Variants in USH2A observed in about 807,000 individuals in gnomAD.
USH2A encodes Usher syndrome 2A (autosomal recessive, mild).
A neutral mutation model predicts 538.9 loss-of-function variants in USH2A; 443 were observed. The ratio of observed to expected loss-of-function variants is 0.82; its 90% CI spans 0.76 to 0.89. USH2A has a LOEUF of 0.89. Among genes scored for constraint, USH2A ranks in the 40% least tolerant of loss-of-function variants. USH2A has a pLI of 0.00. For missense variants in USH2A, 6,633 were observed against 6,324.8 expected (o/e 1.05, Z -1.65); for synonymous variants, 2,413 against 2,273.5 (o/e 1.06, Z -1.75).
chr1:215,917,897 A>T (rs1033349024), intron 38 of USH2A, among the ~76,000 whole-genome samples: 1 of 151,554 alleles, frequency 6.6e-6, no homozygotes, highest in African/African-American at 2.4e-5. Context: ...CAGGAGATTG[A>T]GGCTGCAGTG....
At chr1:216,135,590 A>G (rs1039637854) in intron 21 of USH2A, among the ~76,000 whole-genome samples, 2 of 152,174 alleles carry the variant, frequency 1.3e-5, no homozygotes, top group Admixed American at 6.6e-5. Flanking sequence ...ACCATTTACT[A>G]TAACTGTTAT....
intron 64 of USH2A, among the ~76,000 whole-genome samples, chr1:215,668,667 T>C (rs1466975241): frequency 1.3e-5 from 2 of 152,190 alleles, no homozygotes; most frequent in Non-Finnish European, 2.9e-5. Flanking sequence ...TTGTTCTTAG[T>C]CATCCTTAGT....
intron 38 of USH2A, among the ~76,000 whole-genome samples, chr1:215,921,052 C>T (rs1376118560): frequency 6.6e-6 from 1 of 151,980 alleles, no homozygotes; most frequent in Non-Finnish European, 1.5e-5. Context: ...TTCTTTCTTT[C>T]ATTAGTTTTT....
At chr1:216,364,082 A>T (rs77089736) in intron 4 of USH2A, among the ~76,000 whole-genome samples, 2 of 151,212 alleles carry the variant, frequency 1.3e-5, no homozygotes, top group South Asian at 4.2e-4. Context: ...TTTAATATGC[A>T]GGCATTTTAA....
intron 32 of USH2A, among the ~76,000 whole-genome samples, chr1:216,031,024 C>T (rs1241755438): frequency 2.0e-5 from 3 of 151,812 alleles, no homozygotes; most frequent in Non-Finnish European, 4.4e-5. Flanking sequence ...ACTGGATTCC[C>T]CTAATATCCC....
chr1:216,072,725 T>TA, intron 29 of USH2A, 164 bp downstream of exon 29: 1 of 693,546 alleles, frequency 1.4e-6, no homozygotes, highest in Admixed American at 2.1e-5. Flanking sequence ...ACTGATCTAC[T>TA]AAGCATTTTA....
At position 216,078,330 on chromosome 1, in the gene USH2A, C is replaced by G. The variant is rs771621501; in HGVS notation, c.5331G>C (p.Arg1777=). 3.7e-6 allele frequency: 6 copies of G among 1,613,536 alleles called. No individual in the cohort carries two copies. The East Asian group carries it at 1.3e-4, about 36-fold the overall frequency. The part of the protein sequence containing the change: ...MELKSGILTF[R]LNTSLAFTQV... ...GTGTAAAGGCAAGACTGGTATTTAA[C>G]CGGAAGGTCAATATTCCACTTTTCA... The change falls in exon 27 of 72, where the codon CGG becomes CGC. Residue 1777 remains arginine, a synonymous_variant. Coordinates refer to ENST00000307340, the MANE Select transcript of USH2A (RefSeq NM_206933.4).
At chr1:215,633,313 T>C (rs1362799124) in intron 70 of USH2A, among the ~76,000 whole-genome samples, 1 of 152,056 alleles carries the variant, frequency 6.6e-6, no homozygotes, top group Non-Finnish European at 1.5e-5. Context: ...CCTGATGGTG[T>C]TGGGCAGTGC....
chr1:216,073,335 G>C, intron 27 of USH2A, 35 bp from the exon 28 acceptor site: 1 of 1,464,676 alleles, frequency 6.8e-7, no homozygotes. Flanking sequence ...TCGCATAAAG[G>C]GCTTGAGTCA....
chr1:216,026,743 G>C (rs1479648990), intron 32 of USH2A, among the ~76,000 whole-genome samples: 1 of 152,158 alleles, frequency 6.6e-6, no homozygotes, highest in East Asian at 1.9e-4. Flanking sequence ...GAAAGACAAT[G>C]AGGTTAATCA....
chr1:215,756,471 G>A (rs536800035), intron 58 of USH2A, among the ~76,000 whole-genome samples: 236 of 152,244 alleles, frequency 1.6e-3, no homozygotes, highest in African/African-American at 5.3e-3. Flanking sequence ...GAAATTTCCC[G>A]TATTGCTCTT....
At chr1:216,370,697 A>AAAAAAAAAAAAAAAAAAAAAC (rs2038696541) in intron 3 of USH2A, among the ~76,000 whole-genome samples, 1 of 150,770 alleles carries the variant, frequency 6.6e-6, no homozygotes, top group African/African-American at 2.4e-5. Context: ...AAAAAAAAAA[A>AAAAAAAAAAAAAAAAAAAAAC]AAAAATACTC....
chr1:216,239,143 C>CA (rs556149839), intron 13 of USH2A, among the ~76,000 whole-genome samples: 89 of 149,326 alleles, frequency 6.0e-4, no homozygotes, highest in Middle Eastern at 3.4e-3. Flanking sequence ...TGAAGCAAAA[C>CA]AAAAAAAATA....
At chr1:216,062,402 G>A (rs2031215646) in intron 30 of USH2A, among the ~76,000 whole-genome samples, 1 of 152,092 alleles carries the variant, frequency 6.6e-6, no homozygotes, top group South Asian at 2.1e-4. Flanking sequence ...CATCTTAGAA[G>A]TTTCAAAGAG....
chr1:216,309,974 T>A (rs760632066), intron 9 of USH2A, among the ~76,000 whole-genome samples: 4 of 152,150 alleles, frequency 2.6e-5, no homozygotes, highest in African/African-American at 9.6e-5. Flanking sequence ...AATTTTTGCA[T>A]CTATTTTTAT....
chr1:215,826,407 A>G (rs1253086545), intron 47 of USH2A, among the ~76,000 whole-genome samples: 1 of 152,224 alleles, frequency 6.6e-6, no homozygotes, highest in Non-Finnish European at 1.5e-5. Flanking sequence ...GAGAGCTGTG[A>G]TTGTCAAACA....
chr1:216,147,497 C>T (rs538515874), intron 21 of USH2A, among the ~76,000 whole-genome samples: 1 of 152,316 alleles, frequency 6.6e-6, no homozygotes, highest in South Asian at 2.1e-4. Flanking sequence ...CAGTTCATGA[C>T]TTGTTTGGCA....
At chr1:215,988,421 T>C (rs1462858953) in intron 35 of USH2A, among the ~76,000 whole-genome samples, 7 of 152,224 alleles carry the variant, frequency 4.6e-5, no homozygotes. Flanking sequence ...ATTTTGCTTA[T>C]CTACTTATCT....
intron 64 of USH2A, among the ~76,000 whole-genome samples, chr1:215,659,131 C>T (rs554997369): frequency 6.6e-6 from 1 of 152,108 alleles, no homozygotes; most frequent in South Asian, 2.1e-4. Context: ...AGGATATATG[C>T]TAGAAAGGAA....
Sources: allele counts gnomAD v4.1 joint callset (sites outside exome capture counted in the v4.1 genomes callset), GRCh38; gene constraint gnomAD v4.1.1; transcripts MANE v1.5; gene names NCBI Gene and HGNC (gene_info 2026-07-23, HGNC 2026-07-21).